The following RGS6 variants were observed in gnomAD, a reference collection of about 807,000 sequenced individuals.
RGS6 encodes the protein regulator of G protein signaling 6, also known as regulator of G-protein signaling 6.
In RGS6, 30 loss-of-function variants were observed where a neutral mutation model predicts 78.5. The ratio of observed to expected loss-of-function variants is 0.38; its 90% CI spans 0.29 to 0.52. The LOEUF (loss-of-function observed/expected upper bound fraction) is 0.52. Ranked by LOEUF, RGS6 falls within the 20% of genes least tolerant of loss-of-function variation. The pLI is 0.85. For synonymous variants in RGS6, 206 were observed against 206.0 expected, an observed-to-expected ratio of 1.00 and a Z score of 0.00; for missense variants, 495 against 609.7, an observed-to-expected ratio of 0.81 and a Z score of 1.98.
chr14:72,336,759 G>A (rs992530748), intron 2 of RGS6, among the ~76,000 whole-genome samples: 1 of 152,008 alleles, frequency 6.6e-6, no homozygotes, highest in Non-Finnish European at 1.5e-5. Context: ...TACAGTTCTG[G>A]AGACCAGAAG....
chr14:72,308,154 C>T (rs181571901), intron 2 of RGS6, among the ~76,000 whole-genome samples: 37 of 152,250 alleles, frequency 2.4e-4, no homozygotes, highest in African/African-American at 8.7e-4. Context: ...GTAGTCCTTA[C>T]GTCTTTCTCT....
intron 2 of RGS6, among the ~76,000 whole-genome samples, chr14:72,091,250 C>T (rs953148209): frequency 2.0e-5 from 3 of 152,156 alleles, no homozygotes; most frequent in Non-Finnish European, 1.5e-5. Flanking sequence ...GTATTGGCCC[C>T]TGCCTTTGCT....
chr14:72,117,141 C>G (rs1167459740), intron 2 of RGS6, among the ~76,000 whole-genome samples: 1 of 152,074 alleles, frequency 6.6e-6, no homozygotes, highest in Non-Finnish European at 1.5e-5. Context: ...TGCCCAGGTC[C>G]TGGAGGGGAA....
intron 12 of RGS6, among the ~76,000 whole-genome samples, chr14:72,486,016 G>A (rs1298718191): frequency 6.6e-6 from 1 of 152,182 alleles, no homozygotes; most frequent in Non-Finnish European, 1.5e-5. Context: ...CCCAGTGGGA[G>A]GTAATTGAAT....
intron 2 of RGS6, among the ~76,000 whole-genome samples, chr14:72,100,021 C>T (rs747940462): frequency 6.6e-5 from 10 of 152,004 alleles, no homozygotes; most frequent in Admixed American, 2.0e-4. Flanking sequence ...GGGTCACCAG[C>T]ACAGTAGTAA....
chr14:72,132,417 T>A (rs868148328), intron 2 of RGS6, among the ~76,000 whole-genome samples: 11 of 152,136 alleles, frequency 7.2e-5, no homozygotes, highest in South Asian at 2.1e-4. Context: ...TAGCTGGGAC[T>A]ACAGGCATAC....
At chr14:72,385,653 C>A (rs1172643706) in intron 3 of RGS6, among the ~76,000 whole-genome samples, 1 of 152,150 alleles carries the variant, frequency 6.6e-6, no homozygotes, top group Admixed American at 6.5e-5. Context: ...CCCAGGGACA[C>A]AAGGCTGGCT....
intron 2 of RGS6, among the ~76,000 whole-genome samples, chr14:72,341,998 C>A (rs1372208396): frequency 6.6e-6 from 1 of 152,136 alleles, no homozygotes; most frequent in Non-Finnish European, 1.5e-5. Context: ...GGTTATTGAC[C>A]TCTCTGCCGC....
chr14:72,523,072 C>T (rs756615988), intron 15 of RGS6, among the ~76,000 whole-genome samples: 11 of 152,210 alleles, frequency 7.2e-5, no homozygotes, highest in Non-Finnish European at 1.3e-4. Context: ...GCTGCCTGCC[C>T]CAGCAAAGTA....
Position 72,377,884 on chromosome 14 carries a change from G to A in RGS6, c.184+25690G>A, listed in dbSNP as rs539198977. On this transcript the variant is annotated intron_variant, in intron 3 of 17. Transcript: ENST00000553525. The stretch of plus-strand genomic sequence containing the variant: ...TCCCAGCTACTCAGGCGGCTGAGGT[G>A]GGAGGCTCTCTTGAGCCCAAGAGGG... 1.4e-4 allele frequency among the ~76,000 whole-genome samples: 22 copies of A among 152,264 alleles called. 2 individuals are homozygous for A. Among genetic ancestry groups the A allele is most frequent in the African/African-American group, 5.1e-4 (21 of 41,554 alleles).
intron 15 of RGS6, among the ~76,000 whole-genome samples, chr14:72,522,635 A>T (rs1484280681): frequency 6.6e-6 from 1 of 152,240 alleles, no homozygotes; most frequent in African/African-American, 2.4e-5. Context: ...TTATTTATGA[A>T]CAGTGAAATC....
At chr14:71,913,806 T>C in the RGS6 span, among the ~76,000 whole-genome samples, 1 of 152,262 alleles carries the variant, frequency 6.6e-6, no homozygotes, top group Non-Finnish European at 1.5e-5. Context: ...TCCTCCCTGC[T>C]TCTTGTTAAG....
chr14:72,254,987 A>AAAG (rs1282974073), intron 2 of RGS6, among the ~76,000 whole-genome samples: 1 of 152,182 alleles, frequency 6.6e-6, no homozygotes, highest in Non-Finnish European at 1.5e-5. Flanking sequence ...GGATCAAGAG[A>AAAG]AAGAAACAGG....
At chr14:72,169,436 G>C (rs117031069) in intron 2 of RGS6, among the ~76,000 whole-genome samples, 2,136 of 152,300 alleles carry the variant, frequency 0.014, 20 homozygotes, top group Non-Finnish European at 0.021. Context: ...GTATGTTGCT[G>C]TATGATGGCT....
At chr14:72,406,528 G>T (rs1310022698) in intron 3 of RGS6, among the ~76,000 whole-genome samples, 3 of 152,162 alleles carry the variant, frequency 2.0e-5, no homozygotes, top group Non-Finnish European at 4.4e-5. Flanking sequence ...AGGTGTAGAG[G>T]CTCCCAAAGC....
At position 72,300,196 on chromosome 14, in the gene RGS6, T is replaced by C. The variant is rs141577927; in HGVS notation, c.85-51899T>C. Among the ~76,000 whole-genome samples the C allele has an allele frequency of 3.6e-3, 541 of 152,160 alleles. 3 individuals carry two copies. The highest frequency in any genetic ancestry group is 0.012 in the African/African-American group (505 of 41,538). On this transcript the variant is annotated intron_variant, in intron 2 of 17. Transcript: ENST00000553525. ...ACTTTTTCTCTATCTTTTTTTTTTC[T>C]GATACTATTGATTGCTTAGAAGAAC...
intron 2 of RGS6, among the ~76,000 whole-genome samples, chr14:72,348,280 G>C (rs1194520772): frequency 6.6e-6 from 1 of 152,224 alleles, no homozygotes; most frequent in African/African-American, 2.4e-5. Context: ...AGGAATCCTG[G>C]CCTTGCCACT....
intron 7 of RGS6, among the ~76,000 whole-genome samples, chr14:72,466,174 C>T (rs1293806786): frequency 1.3e-5 from 2 of 152,044 alleles, no homozygotes; most frequent in African/African-American, 2.4e-5. Context: ...AGATTAAATC[C>T]GTGGTGAGAT....
intron 2 of RGS6, among the ~76,000 whole-genome samples, chr14:72,318,607 G>T (rs2070985268): frequency 6.6e-6 from 1 of 152,200 alleles, no homozygotes; most frequent in African/African-American, 2.4e-5. Context: ...TGGAACGAAA[G>T]CTCAGGAAGG....
Sources: gnomAD v4.1 joint callset for allele counts (sites outside exome capture counted in the v4.1 genomes callset) on GRCh38, gnomAD v4.1.1 for gene constraint, MANE v1.5 for transcripts, NCBI Gene and HGNC (gene_info 2026-07-23, HGNC 2026-07-21) for gene names.